Variants in IL1R1 observed in about 807,000 individuals in gnomAD.
IL1R1 encodes the protein interleukin 1 receptor type 1.
IL1R1 carries 22 observed loss-of-function variants against 50.2 expected under a neutral mutation model. The ratio of observed to expected loss-of-function variants is 0.44; its 90% CI spans 0.31 to 0.63. IL1R1 has a LOEUF of 0.63. Among genes scored for constraint, IL1R1 ranks in the 20% least tolerant of loss-of-function variants. The pLI is 0.07. For synonymous variants in IL1R1, 251 were observed against 236.7 expected (o/e 1.06, Z -0.55); for missense variants, 509 against 676.2 (o/e 0.75, Z 2.74).
At chr2:102,092,283 C>A (rs1180047210) in intron 1 of IL1R1, among the ~76,000 whole-genome samples, 2 of 152,114 alleles carry the variant, frequency 1.3e-5, no homozygotes, top group African/African-American at 4.8e-5. Context: ...GGCTGGCAAT[C>A]ATCAATTCTC....
intron 7 of IL1R1, among the ~76,000 whole-genome samples, chr2:102,170,667 A>AAAG (rs374142170): frequency 1.7e-4 from 26 of 152,342 alleles, no homozygotes; most frequent in African/African-American, 5.8e-4. Context: ...TGTCCATAAA[A>AAAG]TATGTTAGAA....
intron 11 of IL1R1, chr2:102,176,033 A>C (rs901976391): frequency 1.8e-5 from 8 of 448,156 alleles, no homozygotes; most frequent in Non-Finnish European, 7.9e-6. Context: ...TAGTCTATAA[A>C]ATGGGAGGTT....
upstream of IL1R1, among the ~76,000 whole-genome samples, chr2:102,099,903 T>A (rs1680067233): frequency 6.6e-6 from 1 of 152,208 alleles, no homozygotes. Context: ...TGGTTCTATC[T>A]TAATGGCGTC....
At chr2:102,115,539 C>G (rs1681022251) in intron 1 of IL1R1, among the ~76,000 whole-genome samples, 1 of 152,180 alleles carries the variant, frequency 6.6e-6, no homozygotes, top group African/African-American at 2.4e-5. Flanking sequence ...GGAGAGAACT[C>G]AAGCAATGCA....
intron 1 of IL1R1, among the ~76,000 whole-genome samples, chr2:102,133,901 CA>C (rs10566008): frequency 0.027 from 3,761 of 141,496 alleles, 114 homozygotes; most frequent in African/African-American, 0.08. Context: ...CTAGCTGGTG[CA>C]AAAAAAAAAA....
At chr2:102,122,218 C>T (rs913160492) in intron 1 of IL1R1, among the ~76,000 whole-genome samples, 4 of 152,188 alleles carry the variant, frequency 2.6e-5, no homozygotes, top group African/African-American at 9.7e-5. Flanking sequence ...ATAAGAATAG[C>T]TGGGCCCTTT....
chr2:102,082,550 C>A (rs1679258636), intron 1 of IL1R1, among the ~76,000 whole-genome samples: 1 of 152,126 alleles, frequency 6.6e-6, no homozygotes, highest in African/African-American at 2.4e-5. Flanking sequence ...CATGATAATT[C>A]CATGCACTTA....
chr2:102,123,754 G>A (rs972942831), intron 1 of IL1R1, among the ~76,000 whole-genome samples: 2 of 151,424 alleles, frequency 1.3e-5, no homozygotes, highest in Non-Finnish European at 2.9e-5. Context: ...CTCCAGCCTG[G>A]GTGACAGAGT....
chr2:102,075,412 TG>T (rs1402057878), intron 1 of IL1R1, among the ~76,000 whole-genome samples: 4 of 152,196 alleles, frequency 2.6e-5, no homozygotes, highest in Admixed American at 6.5e-5. Flanking sequence ...CGGGGAGCTA[TG>T]GTGATGCACA....
intron 1 of IL1R1, among the ~76,000 whole-genome samples, chr2:102,136,613 T>C (rs1245719758): frequency 6.6e-6 from 1 of 151,938 alleles, no homozygotes; most frequent in African/African-American, 2.4e-5. Flanking sequence ...CCTGACCTCG[T>C]GATCTACCCT....
At chr2:102,113,142 G>T (rs566255223) in intron 1 of IL1R1, among the ~76,000 whole-genome samples, 3 of 152,234 alleles carry the variant, frequency 2.0e-5, no homozygotes, top group Non-Finnish European at 4.4e-5. Context: ...AAGACACTGC[G>T]TTCAATCAGC....
intron 8 of IL1R1, chr2:102,172,315 G>C (rs898491545): frequency 4.1e-6 from 4 of 985,048 alleles, no homozygotes; most frequent in Admixed American, 6.2e-5. Flanking sequence ...ATGGGACAAG[G>C]ATCTCCTGGC....
intron 9 of IL1R1, 22 bp downstream of exon 9, chr2:102,172,860 A>G (rs1054594258): frequency 1.3e-6 from 2 of 1,561,438 alleles, no homozygotes; most frequent in African/African-American, 2.7e-5. Context: ...ACTAATTGAA[A>G]TGCAGTTTTG....
At chr2:102,171,541 C>T (rs1468222304) in intron 7 of IL1R1, among the ~76,000 whole-genome samples, 2 of 151,998 alleles carry the variant, frequency 1.3e-5, no homozygotes, top group Admixed American at 6.6e-5. Context: ...TCATGTGGGC[C>T]CAAATTCCCA....
At position 102,176,470 on chromosome 2, in the gene IL1R1, T is replaced by C; in HGVS notation, c.1421T>C (p.Met474Thr). The change falls in exon 12 of 12, where the codon ATG becomes ACG. Residue 474 changes from methionine to threonine, a missense_variant. Transcript: ENST00000410023. ...GGTTCATCTGAAGAGCAAATAGCCATGTATAATGCTCTTGTTCAGGATGGA... is the reference window on the plus strand; with the variant it reads ...GGTTCATCTGAAGAGCAAATAGCCACGTATAATGCTCTTGTTCAGGATGGA... ...LGGSSEEQIA[M>T]YNALVQDGIK... is the part of the protein sequence containing the mutation. 3 of 1,614,156 alleles carry C rather than the reference T, an allele frequency of 1.9e-6. No homozygotes were observed. Among genetic ancestry groups the C allele is most frequent in the Non-Finnish European group, 1.7e-6 (2 of 1,180,010 alleles).
At chr2:102,163,085 G>A (rs2104563717) in intron 3 of IL1R1, among the ~76,000 whole-genome samples, 1 of 152,142 alleles carries the variant, frequency 6.6e-6, no homozygotes, top group Non-Finnish European at 1.5e-5. Context: ...CTTCTGGCTT[G>A]TATTGTTTTT....
chr2:102,114,088 TCA>T lies in IL1R1; in HGVS notation c.-84+9217_-84+9218del, dbSNP rs1293919652. On this transcript the variant is annotated intron_variant, in intron 1 of 10. Transcript: ENST00000409329. ...GCACTGGTTTTTGAGTCCATTCATA[TCA>T]AGCATGCCATTCAGGCTCTCTTCTG... 7.2e-5 allele frequency among the ~76,000 whole-genome samples: 11 copies of T among 152,324 alleles called. No homozygotes were observed. In the East Asian group the frequency reaches 1.9e-3, roughly 27 times the overall value.
exon 1 of IL1R1, chr2:102,104,623 C>T (rs1217500177): frequency 6.6e-6 from 1 of 151,584 alleles, no homozygotes; most frequent in African/African-American, 2.5e-5. Context: ...ACCCCACTTT[C>T]TCCTTCCTTT....
intron 3 of IL1R1, among the ~76,000 whole-genome samples, chr2:102,160,039 A>AC (rs775987071): frequency 4.0e-5 from 6 of 151,812 alleles, no homozygotes; most frequent in South Asian, 2.1e-4. Flanking sequence ...GATTTATGAG[A>AC]CCCCCACTCC....
Sources: allele counts gnomAD v4.1 joint callset (sites outside exome capture counted in the v4.1 genomes callset), GRCh38; gene constraint gnomAD v4.1.1; transcripts MANE v1.5; gene names NCBI Gene and HGNC (gene_info 2026-07-23, HGNC 2026-07-21).